STK32B: variants seen among roughly 807,000 people sequenced by gnomAD.
STK32B encodes serine/threonine kinase 32B.
A neutral mutation model predicts 52.6 loss-of-function variants in STK32B; 43 were observed. That is an observed-to-expected ratio of 0.82 (90% CI 0.64 to 1.05). The LOEUF (loss-of-function observed/expected upper bound fraction) is 1.05, where lower values mean the gene tolerates loss of function less well. STK32B is among the 50% of genes least tolerant of loss of function. The probability of loss-of-function intolerance (pLI) is 0.00; values close to 1 mark genes in which losing one functional copy is unlikely to be tolerated. For synonymous variants in STK32B, 238 were observed against 204.3 expected (o/e 1.17, Z -1.41); for missense variants, 621 against 534.6 (o/e 1.16, Z -1.59).
intron 1 of STK32B, among the ~76,000 whole-genome samples, chr4:5,079,598 C>T (rs1712287167): frequency 6.6e-6 from 1 of 152,172 alleles, no homozygotes; most frequent in Non-Finnish European, 1.5e-5. Context: ...CCTTAAACAG[C>T]TGCTGCCTGC....
rs973386123 is a variant in STK32B, at chr4:5,178,397, C to G, written c.260+9947C>G. Among the ~76,000 whole-genome samples, 3 of 152,248 alleles carry G rather than the reference C, an allele frequency of 2.0e-5. No individual in the cohort carries two copies. The East Asian group carries it at 5.8e-4, about 29-fold the overall frequency. On this transcript the variant is annotated intron_variant, in intron 3 of 11. Transcript: ENST00000282908. ...GCCTGGCCCATGAAACTATTTTTCC[C>G]CCATAGGCCTCTGGGCCTGTGATGG...
intron 1 of STK32B, among the ~76,000 whole-genome samples, chr4:5,111,960 G>T (rs1217056361): frequency 1.3e-5 from 2 of 152,124 alleles, no homozygotes; most frequent in African/African-American, 2.4e-5. Context: ...ACCACTGTGG[G>T]CATGTGCACA....
chr4:5,273,050 A>C (rs1454665025), intron 3 of STK32B, among the ~76,000 whole-genome samples: 1 of 138,296 alleles, frequency 7.2e-6, no homozygotes, highest in African/African-American at 2.8e-5. Context: ...CAGAGTGAAC[A>C]GGCAACCTAC....
rs1720633456 is a variant in STK32B at position 5,500,384 on chromosome 4, G to A, written c.*1301G>A. On this transcript the variant is annotated 3_prime_UTR_variant, in exon 12 of 12. Coordinates refer to ENST00000282908, the MANE Select transcript of STK32B (RefSeq NM_018401.3). ...ACTCATAGAATGGCCTTTTTTGTCA[G>A]CATAATCGTCATCATTATTTAGATA... 1 of 152,148 alleles carries A rather than the reference G, an allele frequency of 6.6e-6. No homozygotes were observed. Among genetic ancestry groups the A allele is most frequent in the Admixed American group, 6.5e-5 (1 of 15,274 alleles). The allele number at this position is 152,148 out of a possible 1,614,324, so 9.4% of individuals were successfully genotyped here.
At chr4:5,474,582 G>T (rs1718094679) in intron 11 of STK32B, among the ~76,000 whole-genome samples, 1 of 152,128 alleles carries the variant, frequency 6.6e-6, no homozygotes, top group African/African-American at 2.4e-5. Context: ...CTCACTGCTG[G>T]GAAGTAGCAA....
chr4:5,465,066 G>T (rs530852762), intron 9 of STK32B, among the ~76,000 whole-genome samples: 3 of 152,124 alleles, frequency 2.0e-5, no homozygotes, highest in Non-Finnish European at 2.9e-5. Context: ...CATTGGTACC[G>T]CGAACCCAAG....
At chr4:5,153,428 T>A (rs1717535267) in intron 2 of STK32B, among the ~76,000 whole-genome samples, 2 of 151,814 alleles carry the variant, frequency 1.3e-5, no homozygotes, top group Admixed American at 6.6e-5. Flanking sequence ...TGTTCAGCCC[T>A]CAGCATGGTA....
intron 1 of STK32B, among the ~76,000 whole-genome samples, chr4:5,102,033 A>G (rs1713813103): frequency 6.6e-6 from 1 of 152,282 alleles, no homozygotes; most frequent in Non-Finnish European, 1.5e-5. Flanking sequence ...GGCTCAAACA[A>G]TAAAGTGTGT....
intron 6 of STK32B, among the ~76,000 whole-genome samples, chr4:5,423,929 G>T (rs1313643687): frequency 6.6e-6 from 1 of 152,100 alleles, no homozygotes; most frequent in Non-Finnish European, 1.5e-5. Flanking sequence ...CGGGATTCCT[G>T]CCCTCCTGGG....
intron 1 of STK32B, among the ~76,000 whole-genome samples, chr4:5,132,422 A>G (rs1310630986): frequency 6.6e-6 from 1 of 152,214 alleles, no homozygotes; most frequent in Non-Finnish European, 1.5e-5. Flanking sequence ...CTATACACCA[A>G]TGCCCTGTGA....
chr4:5,229,222 G>GGT (rs1553853659), intron 3 of STK32B, among the ~76,000 whole-genome samples: 1 of 148,306 alleles, frequency 6.7e-6, no homozygotes, highest in East Asian at 2.0e-4. Context: ...TCTATATTTA[G>GGT]TTTTTTTTTT....
intron 1 of STK32B, among the ~76,000 whole-genome samples, chr4:5,111,599 T>C (rs755863579): frequency 1.8e-4 from 28 of 152,058 alleles, no homozygotes; most frequent in Non-Finnish European, 3.5e-4. Flanking sequence ...GAGAATAGAC[T>C]CTGGAGACTT....
intron 6 of STK32B, among the ~76,000 whole-genome samples, chr4:5,437,654 T>C (rs924405779): frequency 6.6e-6 from 1 of 152,210 alleles, no homozygotes; most frequent in Admixed American, 6.5e-5. Flanking sequence ...GCCCACTACA[T>C]CTCCAAATGC....
intron 4 of STK32B, among the ~76,000 whole-genome samples, chr4:5,373,137 A>C (rs1390607021): frequency 6.6e-6 from 1 of 152,188 alleles, no homozygotes; most frequent in Non-Finnish European, 1.5e-5. Context: ...CAGAAAACAG[A>C]GTAAGGAAAG....
At position 5,437,983 on chromosome 4, in the gene STK32B, T is replaced by C. The variant is rs1049113109; in HGVS notation, c.563-8690T>C. On this transcript the variant is annotated intron_variant, in intron 6 of 11. Transcript: ENST00000282908. ...TCACCTTCTCTAGGACTGCAGACAT[T>C]TGTCGCTTGTCTGATCATGACAGCC... is the stretch of plus-strand genomic sequence containing the variant. 6 of 985,486 alleles carry C rather than the reference T, an allele frequency of 6.1e-6. No homozygotes were observed. The South Asian group carries it at 1.9e-4, about 31-fold the overall frequency. The allele number at this position is 985,486 out of a possible 1,614,324, so 61.0% of individuals were successfully genotyped here. A position where few individuals can be genotyped will look rare whatever the true frequency, so the allele number is the denominator to read the frequency against.
Position 5,499,191 on chromosome 4 carries a change from T to C in STK32B, c.*108T>C. On this transcript the variant is annotated 3_prime_UTR_variant, in exon 12 of 12. Transcript: ENST00000282908. ...CTGTCTCACCCCTGAAAACATCAGA[T>C]GCAGAAAAAGCCCTGGACTTGGAGC... 7.2e-7 allele frequency: 1 copy of C among 1,394,902 alleles called. No individual in the cohort carries two copies. Among genetic ancestry groups the C allele is most frequent in the Non-Finnish European group, 9.4e-7 (1 of 1,058,646 alleles). The allele number at this position is 1,394,902 out of a possible 1,614,324, so 86.4% of individuals were successfully genotyped here. A position where few individuals can be genotyped will look rare whatever the true frequency, so the allele number is the denominator to read the frequency against.
At chr4:5,266,334 T>C (rs1311115963) in intron 3 of STK32B, among the ~76,000 whole-genome samples, 1 of 152,196 alleles carries the variant, frequency 6.6e-6, no homozygotes, top group African/African-American at 2.4e-5. Flanking sequence ...GAGCATATAA[T>C]GTGGGAGTAA....
At chr4:5,316,412 A>T (rs867042692) in intron 3 of STK32B, among the ~76,000 whole-genome samples, 13 of 30,460 alleles carry the variant, frequency 4.3e-4, no homozygotes, top group African/African-American at 3.0e-3. Context: ...ATAATATATA[A>T]TATATATTAC....
intron 3 of STK32B, among the ~76,000 whole-genome samples, chr4:5,205,712 G>A (rs2369496): frequency 7.1e-5 from 6 of 84,188 alleles, no homozygotes; most frequent in Non-Finnish European, 2.2e-4. Context: ...GCGTGTGTGT[G>A]TGTGTGTGTG....
Sources: allele counts gnomAD v4.1 joint callset (sites outside exome capture counted in the v4.1 genomes callset), GRCh38; gene constraint gnomAD v4.1.1; transcripts MANE v1.5; gene names NCBI Gene and HGNC (gene_info 2026-07-23, HGNC 2026-07-21).